Variants in SSH2 observed in about 807,000 individuals in gnomAD.
The protein encoded by SSH2 is protein phosphatase Slingshot homolog 2.
SSH2 carries 37 observed loss-of-function variants against 135.2 expected under a neutral mutation model. The ratio of observed to expected loss-of-function variants is 0.27; its 90% CI spans 0.21 to 0.36. The LOEUF (loss-of-function observed/expected upper bound fraction) is 0.36, where lower values mean the gene tolerates loss of function less well. Among genes scored for constraint, SSH2 ranks in the 10% least tolerant of loss-of-function variants. The pLI, the probability that SSH2 is intolerant of heterozygous loss-of-function variation, is 1.00. For synonymous variants in SSH2, 628 were observed against 646.2 expected, an observed-to-expected ratio of 0.97 and a Z score of 0.43; for missense variants, 1,408 against 1,765.3, an observed-to-expected ratio of 0.80 and a Z score of 3.63.
At chr17:29,785,823 T>TTTTA (rs1567973520) in intron 3 of SSH2, among the ~76,000 whole-genome samples, 5 of 145,884 alleles carry the variant, frequency 3.4e-5, no homozygotes, top group African/African-American at 1.0e-4. Context: ...TTTTTTTTTT[T>TTTTA]AGACGGAGTC....
At chr17:29,668,839 A>C (rs774540576) in intron 9 of SSH2, among the ~76,000 whole-genome samples, 1 of 152,182 alleles carries the variant, frequency 6.6e-6, no homozygotes, top group Non-Finnish European at 1.5e-5. Flanking sequence ...CAAGTGTTTG[A>C]GGCAGAGTGG....
At chr17:29,669,679 T>G (rs952631076) in intron 9 of SSH2, among the ~76,000 whole-genome samples, 2 of 152,192 alleles carry the variant, frequency 1.3e-5, no homozygotes, top group Admixed American at 1.3e-4. Flanking sequence ...TCTTTTTCCG[T>G]AAACAGACAG....
At chr17:29,796,910 T>C (rs536051943) in intron 2 of SSH2, among the ~76,000 whole-genome samples, 1 of 151,978 alleles carries the variant, frequency 6.6e-6, no homozygotes, top group East Asian at 1.9e-4. Flanking sequence ...ACTCCTGGGT[T>C]CAAGCAATTC....
At chr17:29,725,347 C>CAAAAAAAAAAAAAA (rs11449000) in intron 3 of SSH2, among the ~76,000 whole-genome samples, 3 of 52,782 alleles carry the variant, frequency 5.7e-5, no homozygotes, top group East Asian at 6.5e-4. Context: ...AATCAGTCTC[C>CAAAAAAAAAAAAAA]AAAAAAAAAA....
intron 14 of SSH2, chr17:29,639,852 C>T (rs1483383318): frequency 6.6e-6 from 1 of 152,018 alleles, no homozygotes; most frequent in African/African-American, 2.4e-5. Context: ...TGCAGACATC[C>T]TTGTTTCCTG....
At chr17:29,909,291 A>G (rs2066721956) in intron 1 of SSH2, among the ~76,000 whole-genome samples, 1 of 152,180 alleles carries the variant, frequency 6.6e-6, no homozygotes, top group South Asian at 2.1e-4. Context: ...ACTAACAAAC[A>G]ATATTTCCGG....
intron 6 of SSH2, among the ~76,000 whole-genome samples, chr17:29,683,703 G>C (rs1432104952): frequency 6.6e-6 from 1 of 151,106 alleles, no homozygotes; most frequent in East Asian, 2.0e-4. Flanking sequence ...GAAGTGGGAG[G>C]ATTGCTTAAG....
intron 1 of SSH2, among the ~76,000 whole-genome samples, chr17:29,874,561 T>C (rs893395378): frequency 6.6e-6 from 1 of 152,014 alleles, no homozygotes; most frequent in Non-Finnish European, 1.5e-5. Context: ...TCTTCCCCAT[T>C]TTGCTTGGTA....
intron 3 of SSH2, among the ~76,000 whole-genome samples, chr17:29,715,306 C>A (rs1350231332): frequency 6.6e-6 from 1 of 150,586 alleles, no homozygotes; most frequent in Non-Finnish European, 1.5e-5. Flanking sequence ...AGTGCAGTGG[C>A]GTGATCTTGG....
intron 3 of SSH2, among the ~76,000 whole-genome samples, chr17:29,714,547 T>C (rs1459284063): frequency 6.6e-6 from 1 of 152,168 alleles, no homozygotes; most frequent in Non-Finnish European, 1.5e-5. Flanking sequence ...TTTTAACCCC[T>C]TATCTTGTCC....
intron 12 of SSH2, 54 bp downstream of exon 12, chr17:29,655,507 T>C: frequency 8.5e-6 from 13 of 1,535,314 alleles, no homozygotes; most frequent in Non-Finnish European, 1.1e-5. Flanking sequence ...AAAATGAAGA[T>C]AAAACAGGGA....
Position 29,913,347 on chromosome 17 carries a change from A to AAAAAAAAAAAAAAATTATAT in SSH2, c.63+16590_63+16591insATATAATTTTTTTTTTTTTT. Among the ~76,000 whole-genome samples, 14 of 28,788 alleles carry AAAAAAAAAAAAAAATTATAT rather than the reference A, an allele frequency of 4.9e-4. 4 individuals are homozygous for AAAAAAAAAAAAAAATTATAT. The highest frequency in any genetic ancestry group is 7.3e-4 in the Admixed American group (1 of 1,362). 18.9% of individuals were successfully genotyped at this position (28,788 alleles called of 152,430 possible). A position where few individuals can be genotyped will look rare whatever the true frequency, so the allele number is the denominator to read the frequency against. On this transcript the variant is annotated intron_variant, in intron 1 of 15. Transcript: ENST00000540801. ...AAAAAAAAAAAAAAAAAAAAAAAAA[A>AAAAAAAAAAAAAAATTATAT]ATATATATATATATATATATATATA...
At chr17:29,636,901 A>G (rs1167170786) in intron 14 of SSH2, 99 bp from the exon 15 acceptor site, 1 of 851,660 alleles carries the variant, frequency 1.2e-6, no homozygotes, top group Non-Finnish European at 1.8e-6. Context: ...ACTTGTAAAA[A>G]TGCTTTGTTA....
chr17:29,776,769 G>A (rs2041710939), intron 3 of SSH2: 1 of 152,182 alleles, frequency 6.6e-6, no homozygotes, highest in Admixed American at 6.5e-5. Context: ...ATGGAGCTGT[G>A]GCTTCAGCTC....
intron 1 of SSH2, among the ~76,000 whole-genome samples, chr17:29,885,653 C>G (rs1308402580): frequency 6.6e-6 from 1 of 152,072 alleles, no homozygotes; most frequent in Non-Finnish European, 1.5e-5. Flanking sequence ...GGGTATGTAC[C>G]CACCTAAATC....
intron 11 of SSH2, among the ~76,000 whole-genome samples, chr17:29,661,435 A>G (rs1369851178): frequency 2.0e-5 from 3 of 152,236 alleles, no homozygotes; most frequent in Non-Finnish European, 4.4e-5. Flanking sequence ...GTGATCTGTA[A>G]TCTGGCCGTT....
intron 1 of SSH2, among the ~76,000 whole-genome samples, chr17:29,867,334 C>T (rs1216150784): frequency 6.6e-6 from 1 of 152,142 alleles, no homozygotes; most frequent in African/African-American, 2.4e-5. Context: ...ATTTATTTCT[C>T]TCCTCAGACC....
intron 1 of SSH2, among the ~76,000 whole-genome samples, chr17:29,914,399 A>T (rs2151478352): frequency 6.6e-6 from 1 of 151,974 alleles, no homozygotes; most frequent in Non-Finnish European, 1.5e-5. Context: ...GTCTCTAAAA[A>T]AATAATAATA....
At chr17:29,649,020 A>G (rs112042398) in intron 13 of SSH2, among the ~76,000 whole-genome samples, 90 of 152,252 alleles carry the variant, frequency 5.9e-4, no homozygotes, top group Non-Finnish European at 1.1e-3. Context: ...GTGTGCCTGT[A>G]ATCCCAGCTA....
Sources: gnomAD v4.1 joint callset for allele counts (sites outside exome capture counted in the v4.1 genomes callset) on GRCh38, gnomAD v4.1.1 for gene constraint, MANE v1.5 for transcripts, NCBI Gene and HGNC (gene_info 2026-07-23, HGNC 2026-07-21) for gene names.